RALA: variants seen among roughly 807,000 people sequenced by gnomAD.
RALA encodes the protein ras-related protein Ral-A.
A neutral mutation model predicts 24.0 loss-of-function variants in RALA; 5 were observed. The ratio of observed to expected loss-of-function variants is 0.21; its 90% CI spans 0.11 to 0.44. RALA has a LOEUF of 0.44. Among genes scored for constraint, RALA ranks in the 20% least tolerant of loss-of-function variants. The pLI, the probability that RALA is intolerant of heterozygous loss-of-function variation, is 0.99. For missense variants in RALA, 95 were observed against 241.2 expected (o/e 0.39, Z 4.01); for synonymous variants, 77 against 83.8 (o/e 0.92, Z 0.44).
At chr7:39,672,228 G>C (rs1390444199) in intron 1 of RALA, among the ~76,000 whole-genome samples, 1 of 152,100 alleles carries the variant, frequency 6.6e-6, no homozygotes, top group Non-Finnish European at 1.5e-5. Context: ...TCACTTAAAA[G>C]ACAAAACAAA....
intron 1 of RALA, among the ~76,000 whole-genome samples, chr7:39,641,580 T>C (rs1273234598): frequency 6.6e-6 from 1 of 152,206 alleles, no homozygotes; most frequent in African/African-American, 2.4e-5. Flanking sequence ...TGTTATTGGT[T>C]TGCTTCCCCT....
chr7:39,670,624 T>C (rs1792363596), intron 1 of RALA, among the ~76,000 whole-genome samples: 1 of 152,246 alleles, frequency 6.6e-6, no homozygotes, highest in East Asian at 1.9e-4. Flanking sequence ...AATTAATTAT[T>C]AATGCTTTTC....
At chr7:39,666,016 A>G (rs1259161484) in intron 1 of RALA, among the ~76,000 whole-genome samples, 4 of 152,210 alleles carry the variant, frequency 2.6e-5, no homozygotes, top group Non-Finnish European at 1.5e-5. Flanking sequence ...TGTCTGACAC[A>G]GAATAAGCAC....
rs896525071 is a variant in RALA, at chr7:39,707,797, A to G, written c.*1552A>G. The G allele has an allele frequency of 6.6e-6, 1 of 152,614 alleles. No homozygotes were observed. Among genetic ancestry groups the G allele is most frequent in the African/African-American group, 2.4e-5 (1 of 41,442 alleles). 9.5% of individuals were successfully genotyped at this position (152,614 alleles called of 1,614,324 possible). A position where few individuals can be genotyped will look rare whatever the true frequency, so the allele number is the denominator to read the frequency against. ...ATTTACATCCAGCTTCTCATGTTAA[A>G]TATTTGTCCTTAAAGGGTTTGAGAT... is the stretch of plus-strand genomic sequence containing the variant. On this transcript the variant is annotated 3_prime_UTR_variant, in exon 5 of 5. Coordinates refer to ENST00000005257, the MANE Select transcript of RALA (RefSeq NM_005402.4).
intron 4 of RALA, among the ~76,000 whole-genome samples, 192 bp downstream of exon 4, chr7:39,697,051 T>A (rs981121860): frequency 6.6e-6 from 1 of 152,192 alleles, no homozygotes; most frequent in Non-Finnish European, 1.5e-5. Flanking sequence ...CCAAGAGACA[T>A]TAAAACATGA....
At chr7:39,691,768 A>G (rs963066424) in intron 3 of RALA, among the ~76,000 whole-genome samples, 3 of 152,230 alleles carry the variant, frequency 2.0e-5, no homozygotes, top group Non-Finnish European at 4.4e-5. Flanking sequence ...AATTTCATAT[A>G]TGATGACATG....
chr7:39,636,597 A>G (rs1234740444), intron 1 of RALA, among the ~76,000 whole-genome samples: 1 of 152,080 alleles, frequency 6.6e-6, no homozygotes, highest in Non-Finnish European at 1.5e-5. Flanking sequence ...TTCCAGGTGG[A>G]CTTTCTTTTT....
chr7:39,641,191 G>T (rs550543612), intron 1 of RALA, among the ~76,000 whole-genome samples: 1 of 152,106 alleles, frequency 6.6e-6, no homozygotes, highest in Non-Finnish European at 1.5e-5. Context: ...TTCTTTGTGG[G>T]TGTTATATCA....
intron 1 of RALA, among the ~76,000 whole-genome samples, chr7:39,627,374 A>G (rs976033312): frequency 1.3e-5 from 2 of 152,232 alleles, no homozygotes; most frequent in Non-Finnish European, 2.9e-5. Flanking sequence ...GCATGCTTCC[A>G]TAAAATTATA....
intron 1 of RALA, among the ~76,000 whole-genome samples, chr7:39,657,319 C>T (rs2115985138): frequency 6.6e-6 from 1 of 152,262 alleles, no homozygotes. Flanking sequence ...AGTGATGTAA[C>T]TCTTATCGAA....
At position 39,641,349 on chromosome 7, in the gene RALA, C is replaced by T. The variant is rs1223849625; in HGVS notation, c.-38+17524C>T. Among the ~76,000 whole-genome samples the T allele has an allele frequency of 3.9e-5, 6 of 152,254 alleles. 1 individual carries two copies. In the East Asian group the frequency reaches 9.6e-4, roughly 24 times the overall value. On this transcript the variant is annotated intron_variant, in intron 1 of 4. Coordinates refer to ENST00000005257, the MANE Select transcript of RALA (RefSeq NM_005402.4). ...AGCACCATTTTCATATTGAAACAAA[C>T]ATATATGATACTTGGTTTATGCTAA...
intron 4 of RALA, among the ~76,000 whole-genome samples, chr7:39,699,256 T>C (rs2116107134): frequency 1.4e-5 from 2 of 143,488 alleles, no homozygotes; most frequent in Admixed American, 1.4e-4. Context: ...TTCTCCTGCC[T>C]CAGCCTCCCG....
intron 1 of RALA, among the ~76,000 whole-genome samples, chr7:39,662,682 G>A (rs1792213828): frequency 1.3e-5 from 2 of 152,132 alleles, no homozygotes; most frequent in African/African-American, 4.8e-5. Flanking sequence ...ATCAGCATTT[G>A]AGTCCAAGCC....
At chr7:39,668,137 A>G (rs1414936595) in intron 1 of RALA, among the ~76,000 whole-genome samples, 1 of 152,268 alleles carries the variant, frequency 6.6e-6, no homozygotes, top group Non-Finnish European at 1.5e-5. Flanking sequence ...AATCAGAGAT[A>G]TAATTAGAAA....
At chr7:39,680,406 AT>A (rs1792571789) in intron 1 of RALA, among the ~76,000 whole-genome samples, 12 of 31,332 alleles carry the variant, frequency 3.8e-4, no homozygotes, top group Admixed American at 2.5e-3. Flanking sequence ...AAAAACACAA[AT>A]ATATATATAT....
intron 4 of RALA, among the ~76,000 whole-genome samples, chr7:39,699,955 G>A (rs1792994213): frequency 6.6e-6 from 1 of 152,086 alleles, no homozygotes; most frequent in Admixed American, 6.6e-5. Flanking sequence ...AATGCAGACA[G>A]AGAATACAGC....
intron 1 of RALA, among the ~76,000 whole-genome samples, chr7:39,642,214 C>G (rs555135701): frequency 6.6e-6 from 1 of 152,278 alleles, no homozygotes; most frequent in East Asian, 1.9e-4. Flanking sequence ...AGCACAGTGG[C>G]TTAGAGCTCT....
chr7:39,630,466 T>A, intron 1 of RALA, among the ~76,000 whole-genome samples: 2 of 152,192 alleles, frequency 1.3e-5, no homozygotes, highest in Non-Finnish European at 2.9e-5. Flanking sequence ...ATATTTTTGC[T>A]AGTCGTCTTT....
At chr7:39,647,930 C>T (rs1317929930) in intron 1 of RALA, among the ~76,000 whole-genome samples, 1 of 152,182 alleles carries the variant, frequency 6.6e-6, no homozygotes, top group East Asian at 1.9e-4. Context: ...ACAGAGATAA[C>T]TTTTCAAGTA....
Sources: gnomAD v4.1 joint callset for allele counts (sites outside exome capture counted in the v4.1 genomes callset) on GRCh38, gnomAD v4.1.1 for gene constraint, MANE v1.5 for transcripts, NCBI Gene and HGNC (gene_info 2026-07-23, HGNC 2026-07-21) for gene names.